CHST8: variants seen among roughly 807,000 people sequenced by gnomAD.
The protein encoded by CHST8 is carbohydrate sulfotransferase 8, also known as GALNAC-4-ST1.
CHST8 carries 10 observed loss-of-function variants against 15.0 expected under a neutral mutation model. The observed-to-expected ratio is 0.67, with a 90% CI of 0.41 to 1.13. The LOEUF is 1.13. Ranked by LOEUF, CHST8 falls within the 50% of genes most tolerant of loss-of-function variation. The probability of loss-of-function intolerance (pLI) is 0.00; values close to 1 mark genes in which losing one functional copy is unlikely to be tolerated. For missense variants in CHST8, 634 were observed against 608.2 expected, an observed-to-expected ratio of 1.04 and a Z score of -0.45; for synonymous variants, 259 against 256.6, an observed-to-expected ratio of 1.01 and a Z score of -0.09.
In CHST8 at chr19:33,621,967, C is replaced by T. The variant is rs951360221; in HGVS notation, c.-493C>T. 6.6e-6 allele frequency: 1 copy of T among 152,076 alleles called. No individual in the cohort carries two copies. Among genetic ancestry groups the T allele is most frequent in the African/African-American group, 2.4e-5 (1 of 41,418 alleles). 9.4% of individuals were successfully genotyped at this position (152,076 alleles called of 1,614,324 possible). ...GCTTCGCTCTCACTTCGCTGGGAGC[C>T]TTCCCGGCGCGCAAGCCGGATCCGG... On this transcript the variant is annotated 5_prime_UTR_variant, in exon 1 of 5. Transcript: ENST00000650847.
intron 3 of CHST8, among the ~76,000 whole-genome samples, chr19:33,760,001 T>G (rs1348594371): frequency 1.3e-5 from 2 of 152,048 alleles, no homozygotes; most frequent in Non-Finnish European, 2.9e-5. Context: ...CACACCTCCA[T>G]CTCCCGAAAT....
chr19:33,631,045 GTTGGAATCAGTATGTGA>G (rs1972115286), intron 1 of CHST8, among the ~76,000 whole-genome samples: 1 of 152,212 alleles, frequency 6.6e-6, no homozygotes, highest in African/African-American at 2.4e-5. Flanking sequence ...GTCTACACTA[GTTGGAATCAGTATGTGA>G]TATAGGCAGG....
At chr19:33,741,705 G>C (rs1974197336) in intron 3 of CHST8, among the ~76,000 whole-genome samples, 1 of 150,656 alleles carries the variant, frequency 6.6e-6, no homozygotes, top group Non-Finnish European at 1.5e-5. Flanking sequence ...GCAGAGTCCT[G>C]TGGATTTTTT....
chr19:33,634,969 C>T (rs1972174040), intron 1 of CHST8, among the ~76,000 whole-genome samples: 2 of 152,130 alleles, frequency 1.3e-5, no homozygotes, highest in Admixed American at 1.3e-4. Context: ...GCAGCCGTGC[C>T]CCCAGCAGCC....
chr19:33,751,667 A>G (rs1019293978), intron 3 of CHST8, among the ~76,000 whole-genome samples: 1 of 152,212 alleles, frequency 6.6e-6, no homozygotes, highest in African/African-American at 2.4e-5. Context: ...CAGCAAGGAC[A>G]TGGAATCAGA....
At chr19:33,749,221 C>G (rs916527984) in intron 3 of CHST8, among the ~76,000 whole-genome samples, 11 of 152,150 alleles carry the variant, frequency 7.2e-5, no homozygotes, top group African/African-American at 2.7e-4. Flanking sequence ...GGAGAGCACA[C>G]CCGGAGCCAG....
At chr19:33,643,935 T>G (rs1311346892) in intron 1 of CHST8, among the ~76,000 whole-genome samples, 2 of 152,172 alleles carry the variant, frequency 1.3e-5, no homozygotes, top group Non-Finnish European at 2.9e-5. Flanking sequence ...ATTTATTTAT[T>G]AATTTTTTAT....
chr19:33,728,868 G>C (rs1415278526), intron 3 of CHST8, among the ~76,000 whole-genome samples: 2 of 152,216 alleles, frequency 1.3e-5, no homozygotes, highest in Non-Finnish European at 2.9e-5. Flanking sequence ...TGCCCAGTGA[G>C]GGAGACTCAG....
chr19:33,633,584 G>GC (rs1437493981), intron 1 of CHST8, among the ~76,000 whole-genome samples: 2 of 44,028 alleles, frequency 4.5e-5, no homozygotes. Context: ...TTGTAGAGAT[G>GC]GGGGGGTCTC....
intron 2 of CHST8, among the ~76,000 whole-genome samples, chr19:33,685,685 C>G (rs912967117): frequency 1.3e-5 from 2 of 151,750 alleles, no homozygotes; most frequent in Non-Finnish European, 2.9e-5. Flanking sequence ...CATCCCCCAG[C>G]CTTCCAGGCC....
At chr19:33,737,993 G>T (rs1013354088) in intron 3 of CHST8, among the ~76,000 whole-genome samples, 6 of 152,110 alleles carry the variant, frequency 3.9e-5, no homozygotes, top group African/African-American at 1.4e-4. Flanking sequence ...CTGTAGCTGA[G>T]AAAATAGATG....
intron 2 of CHST8, among the ~76,000 whole-genome samples, chr19:33,682,061 G>T (rs1371283000): frequency 6.6e-6 from 1 of 151,836 alleles, no homozygotes; most frequent in African/African-American, 2.4e-5. Context: ...CACTGTGTTG[G>T]CCAGGCTTGT....
chr19:33,689,021 C>T (rs920374215), intron 2 of CHST8, among the ~76,000 whole-genome samples, 155 bp from the exon 3 acceptor site: 6 of 152,186 alleles, frequency 3.9e-5, no homozygotes, highest in African/African-American at 1.2e-4. Context: ...TTCCCTCAGC[C>T]TCCTGGGTGT....
intron 2 of CHST8, among the ~76,000 whole-genome samples, chr19:33,674,517 A>C (rs1972785070): frequency 6.6e-6 from 1 of 152,224 alleles, no homozygotes; most frequent in Non-Finnish European, 1.5e-5. Flanking sequence ...CCTCAGCCCC[A>C]CGTTTGACTT....
chr19:33,768,399 A>G (rs1327629591), intron 3 of CHST8, among the ~76,000 whole-genome samples: 1 of 151,654 alleles, frequency 6.6e-6, no homozygotes, highest in Non-Finnish European at 1.5e-5. Flanking sequence ...ACATAGCAAG[A>G]CCCCATCTCT....
chr19:33,635,509 G>A (rs900696829), intron 1 of CHST8, among the ~76,000 whole-genome samples: 1 of 152,112 alleles, frequency 6.6e-6, no homozygotes, highest in Non-Finnish European at 1.5e-5. Flanking sequence ...GGAGGCCCAG[G>A]CAGGAGGATC....
At chr19:33,718,587 G>A (rs373220286) in intron 3 of CHST8, among the ~76,000 whole-genome samples, 7 of 152,218 alleles carry the variant, frequency 4.6e-5, no homozygotes, top group African/African-American at 1.7e-4. Flanking sequence ...GTTGCAATCT[G>A]GCATCTGCTG....
At position 33,719,774 on chromosome 19, in the gene CHST8, G is replaced by T. The variant is rs111493622; in HGVS notation, c.130+30383G>T. ...AAAAAAAAAAAAATCACATGCAGTC[G>T]GACCTGAACCATGCACAGTGAGCCT... On this transcript the variant is annotated intron_variant, in intron 3 of 4. Coordinates refer to ENST00000650847, the MANE Select transcript of CHST8 (RefSeq NM_001127895.2). Among the ~76,000 whole-genome samples the T allele has an allele frequency of 7.9e-5, 12 of 151,966 alleles. No individual in the cohort carries two copies. The East Asian group carries it at 2.1e-3, about 27-fold the overall frequency.
chr19:33,695,821 C>CTTTCTTTCTTTTTTTTTTTT (rs57718433), intron 3 of CHST8, among the ~76,000 whole-genome samples: 4 of 76,244 alleles, frequency 5.2e-5, no homozygotes, highest in African/African-American at 1.2e-4. Flanking sequence ...TTCTTTCTTT[C>CTTTCTTTCTTTTTTTTTTTT]TTTTTTTTTT....
Sources: allele counts gnomAD v4.1 joint callset (sites outside exome capture counted in the v4.1 genomes callset), GRCh38; gene constraint gnomAD v4.1.1; transcripts MANE v1.5; gene names NCBI Gene and HGNC (gene_info 2026-07-23, HGNC 2026-07-21).